Variants in CDK12 observed in about 807,000 individuals in gnomAD.
The protein encoded by CDK12 is cyclin dependent kinase 12, also known as cyclin-dependent kinase 12.
A neutral mutation model predicts 133.8 loss-of-function variants in CDK12; 17 were observed. The ratio of observed to expected loss-of-function variants is 0.13; its 90% CI spans 0.09 to 0.19. The LOEUF (loss-of-function observed/expected upper bound fraction) is 0.19, where lower values mean the gene tolerates loss of function less well. CDK12 is among the 10% of genes least tolerant of loss of function. The probability of loss-of-function intolerance (pLI) is 1.00; values close to 1 mark genes in which losing one functional copy is unlikely to be tolerated. For missense variants in CDK12, 1,508 were observed against 1,818.7 expected (o/e 0.83, Z 3.11); for synonymous variants, 694 against 683.6 (o/e 1.02, Z -0.24).
At position 39,525,934 on chromosome 17, in the gene CDK12, A is replaced by G. The variant is rs763785357; in HGVS notation, c.3378A>G (p.Gln1126=). The change falls in exon 13 of 14, where the codon CAA becomes CAG. Residue 1126 remains glutamine (Q), a synonymous_variant. Transcript: ENST00000447079. Reference sequence around the variant, plus strand: ...TGTTATTAAACCTGCTGCAGAGCCAAACCGACCTGAGCATCCCTCAAATGG... The same window carrying G: ...TGTTATTAAACCTGCTGCAGAGCCAGACCGACCTGAGCATCCCTCAAATGG... ...LAVLLNLLQS[Q]TDLSIPQMAQ... The G allele has an allele frequency of 6.2e-7, 1 of 1,613,218 alleles. No individual in the cohort carries two copies. Among genetic ancestry groups the G allele is most frequent in the South Asian group, 1.1e-5 (1 of 91,070 alleles).
intron 3 of CDK12, among the ~76,000 whole-genome samples, chr17:39,563,689 C>G (rs2056471032): frequency 6.6e-6 from 1 of 152,020 alleles, no homozygotes; most frequent in Admixed American, 6.6e-5. Context: ...GCGGAAAGAG[C>G]GCAGGATGGC....
intron 3 of CDK12, among the ~76,000 whole-genome samples, chr17:39,563,465 C>CCA (rs2056458934): frequency 1.5e-5 from 1 of 65,568 alleles, no homozygotes; most frequent in Non-Finnish European, 2.8e-5. Context: ...TGCTTCCCGC[C>CCA]CCCCCCCCGC....
intron 11 of CDK12, among the ~76,000 whole-genome samples, chr17:39,523,596 G>C (rs971103119): frequency 3.7e-4 from 56 of 152,348 alleles, no homozygotes; most frequent in African/African-American, 1.2e-3. Flanking sequence ...AAAATGGATA[G>C]GATGTTAGTT....
chr17:39,476,873 C>T (rs1407979720), intron 2 of CDK12, among the ~76,000 whole-genome samples: 1 of 150,872 alleles, frequency 6.6e-6, no homozygotes, highest in Non-Finnish European at 1.5e-5. Context: ...GGGTGCCCAC[C>T]ACCACGCCTG....
At position 39,470,967 on chromosome 17, in the gene CDK12, A is replaced by G; in HGVS notation, c.1135A>G (p.Ser379Gly). ...HSKKKRSSSR[S>G]RHSSISPVRL... Reference sequence around the variant, plus strand: ...TAAAAAGAAGAGATCCAGTTCACGCAGTCGTCATTCCAGTATCTCACCTGT... The same window carrying G: ...TAAAAAGAAGAGATCCAGTTCACGCGGTCGTCATTCCAGTATCTCACCTGT... Residue 379 changes from serine (S) to glycine (G), a missense_variant, in exon 2 of 14, where the codon AGT (serine) becomes GGT (glycine). Transcript: ENST00000447079. The G allele has an allele frequency of 1.2e-6, 2 of 1,614,124 alleles. No individual in the cohort carries two copies. The highest frequency in any genetic ancestry group is 1.7e-6 in the Non-Finnish European group (2 of 1,179,960).
At position 39,487,007 on chromosome 17, in the gene CDK12, C is replaced by CA. The variant is rs370688496; in HGVS notation, c.1932-3541dup. Among the ~76,000 whole-genome samples, 162 of 149,868 alleles carry CA rather than the reference C, an allele frequency of 1.1e-3. 1 individual carries two copies. Among genetic ancestry groups the CA allele is most frequent in the African/African-American group, 3.4e-3 (139 of 40,908 alleles). On this transcript the variant is annotated intron_variant, in intron 2 of 13. Transcript: ENST00000447079. The stretch of plus-strand genomic sequence containing the variant: ...TGGGCAATAGAGGGAGACTCCGTCT[C>CA]AAAAAAAAAGAATCTATATTACATT...
intron 8 of CDK12, among the ~76,000 whole-genome samples, chr17:39,514,142 C>T (rs895926178): frequency 3.9e-5 from 6 of 152,068 alleles, no homozygotes; most frequent in African/African-American, 1.4e-4. Context: ...GCAATCTTCC[C>T]ACCTCGGCCT....
chr17:39,471,610 C>T lies in CDK12; in HGVS notation c.1778C>T (p.Ser593Phe), dbSNP rs747528375. ...TLPPSTHSKT[S>F]AVSSQANSQP... ...CCCCCTTCTACTCACTCAAAGACATCTGCTGTGTCCTCTCAGGCAAATTCT... is the reference window on the plus strand; with the variant it reads ...CCCCCTTCTACTCACTCAAAGACATTTGCTGTGTCCTCTCAGGCAAATTCT... Residue 593 changes from serine to phenylalanine, a missense_variant, in exon 2 of 14, where the codon TCT (serine) becomes TTT (phenylalanine). Physicochemically the swap from Ser to Phe is radical, Grantham distance 155. This residue lies in a region of CDK12 where 347 missense variants were observed against 330.8 expected (regional missense o/e 1.05). Transcript: ENST00000447079. The T allele has an allele frequency of 1.9e-6, 3 of 1,614,196 alleles. No individual in the cohort carries two copies. In the South Asian group the frequency reaches 3.3e-5, roughly 18 times the overall value.
At position 39,517,467 on chromosome 17, in the gene CDK12, T is replaced by C. The variant is rs2053885537; in HGVS notation, c.2874T>C (p.Ala958=). 1.9e-6 allele frequency: 3 copies of C among 1,613,438 alleles called. No individual in the cohort carries two copies. In the East Asian group the frequency reaches 6.7e-5, roughly 36 times the overall value. ...ISRLCGSPCP[A]VWPDVIKLPY... ...GACTTTGTGGTAGCCCTTGTCCAGC[T>C]GTGTGGCCTGATGTTATCAAACTGC... Residue 958 remains alanine (A), a synonymous_variant, in exon 10 of 14, where the codon GCT becomes GCC. Transcript: ENST00000447079.
At chr17:39,466,431 A>G (rs1190099850) in intron 1 of CDK12, among the ~76,000 whole-genome samples, 3 of 151,110 alleles carry the variant, frequency 2.0e-5, no homozygotes, top group Admixed American at 6.6e-5. Flanking sequence ...CCTGACCAAC[A>G]TGGAGAAACC....
chr17:39,526,069 G>C lies in CDK12; in HGVS notation c.3513G>C (p.Glu1171Asp). The C allele has an allele frequency of 6.2e-7, 1 of 1,614,238 alleles. No homozygotes were observed. The highest frequency in any genetic ancestry group is 1.1e-5 in the South Asian group (1 of 91,090). Residue 1171 changes from glutamate to aspartate, a missense_variant, in exon 13 of 14, where the codon GAG becomes GAC. This residue lies in a region of CDK12 where 399 missense variants were observed against 469.6 expected (regional missense o/e 0.85). Coordinates refer to ENST00000447079, the MANE Select transcript of CDK12 (RefSeq NM_016507.4). ...CTACTTCCCAGCAGCAGGACTCAGA[G>C]ACCATGGCCCCAGAGGAGTCTTTGA... ...TEATSQQQDS[E>D]TMAPEESLKE... is the part of the protein sequence containing the mutation.
At position 39,532,176 on chromosome 17, in the gene CDK12, C is replaced by T. The variant is rs1489206241; in HGVS notation, c.*860C>T. 1 of 232,218 alleles carries T rather than the reference C, an allele frequency of 4.3e-6. No individual in the cohort carries two copies. The highest frequency in any genetic ancestry group is 1.8e-4 in the South Asian group (1 of 5,506). The allele number at this position is 232,218 out of a possible 1,614,324, so 14.4% of individuals were successfully genotyped here. A position where few individuals can be genotyped will look rare whatever the true frequency, so the allele number is the denominator to read the frequency against. On this transcript the variant is annotated 3_prime_UTR_variant, in exon 14 of 14. Transcript: ENST00000447079. ...TTGCTCGCTCTCGCTGTTTCTCTCTCTTTGAGGCATTTGTTTGGAAAAAAT... is the reference window on the plus strand; with the variant it reads ...TTGCTCGCTCTCGCTGTTTCTCTCTTTTTGAGGCATTTGTTTGGAAAAAAT...
rs200226050 is a variant in CDK12 at position 39,465,495 on chromosome 17, G to GT, written c.1046+2387dup. Among the ~76,000 whole-genome samples, 1,108 of 145,902 alleles carry GT rather than the reference G, an allele frequency of 7.6e-3. 14 individuals carry two copies. The highest frequency in any genetic ancestry group is 0.026 in the African/African-American group (1,035 of 39,492). On this transcript the variant is annotated intron_variant, in intron 1 of 13. Coordinates refer to ENST00000447079, the MANE Select transcript of CDK12 (RefSeq NM_016507.4). The stretch of plus-strand genomic sequence containing the variant: ...CATTTGTAAAGCTGCTTTGTTTTTT[G>GT]TTTTTTTTTGAGACAGAGTCTTGTT...
intron 3 of CDK12, among the ~76,000 whole-genome samples, chr17:39,560,834 G>A (rs1166327404): frequency 6.6e-6 from 1 of 152,202 alleles, no homozygotes; most frequent in African/African-American, 2.4e-5. Context: ...GGCCAACAGG[G>A]TGAAACCCCA....
chr17:39,492,162 C>A (rs1279761339), intron 3 of CDK12, among the ~76,000 whole-genome samples: 1 of 142,630 alleles, frequency 7.0e-6, no homozygotes, highest in Non-Finnish European at 1.5e-5. Context: ...AATGGCGTGA[C>A]CTTGGCTCAC....
upstream of CDK12, among the ~76,000 whole-genome samples, chr17:39,542,884 G>C (rs959285712): frequency 6.6e-6 from 1 of 152,178 alleles, no homozygotes; most frequent in Non-Finnish European, 1.5e-5. Flanking sequence ...TGGTTCATTG[G>C]GAAGCAGATG....
chr17:39,543,235 T>G (rs1308599633), upstream of CDK12, among the ~76,000 whole-genome samples: 3 of 152,198 alleles, frequency 2.0e-5, no homozygotes, highest in African/African-American at 7.2e-5. Context: ...TTGAGTTGTT[T>G]GATATTCTCC....
chr17:39,522,015 C>T (rs1470920093), intron 11 of CDK12, among the ~76,000 whole-genome samples: 3 of 152,148 alleles, frequency 2.0e-5, no homozygotes, highest in Admixed American at 6.6e-5. Flanking sequence ...CTGGTTTTTG[C>T]TCTTAACCAT....
intron 10 of CDK12, among the ~76,000 whole-genome samples, chr17:39,519,693 G>T (rs990971486): frequency 5.3e-5 from 8 of 151,592 alleles, no homozygotes; most frequent in African/African-American, 1.9e-4. Flanking sequence ...AGGCTCAAGT[G>T]ATTTTCCAAT....
Sources: allele counts gnomAD v4.1 joint callset (sites outside exome capture counted in the v4.1 genomes callset), GRCh38; gene constraint gnomAD v4.1.1; regional missense constraint gnomAD v4.1.1; transcripts MANE v1.5; gene names NCBI Gene and HGNC (gene_info 2026-07-23, HGNC 2026-07-21).